Variants in CAST observed in about 807,000 individuals in gnomAD.
CAST encodes the protein calpastatin.
CAST carries 76 observed loss-of-function variants against 119.6 expected under a neutral mutation model. The observed-to-expected ratio is 0.64, with a 90% CI of 0.53 to 0.77. The LOEUF (loss-of-function observed/expected upper bound fraction) is 0.77, where lower values mean the gene tolerates loss of function less well. CAST is among the 30% of genes least tolerant of loss of function. The pLI is 0.00. For missense variants in CAST, 953 were observed against 946.5 expected (o/e 1.01, Z -0.09); for synonymous variants, 319 against 331.6 (o/e 0.96, Z 0.41).
chr5:96,421,746 A>G, the CAST span: 1 of 705,132 alleles, frequency 1.4e-6, no homozygotes, highest in Non-Finnish European at 2.6e-6. Context: ...AAGCAACAAA[A>G]TATTGTGGTA....
chr5:96,736,284 AT>A, intron 10 of CAST, 44 bp downstream of exon 10: 1 of 1,181,524 alleles, frequency 8.5e-7, no homozygotes, highest in Non-Finnish European at 1.2e-6. Context: ...AGTTACTCAT[AT>A]GCTCTGTATT....
At chr5:96,175,449 A>G in the CAST span, among the ~76,000 whole-genome samples, 1 of 152,242 alleles carries the variant, frequency 6.6e-6, no homozygotes, top group Non-Finnish European at 1.5e-5. Context: ...AATAAGACAA[A>G]CAAGATCCCT....
the CAST span, among the ~76,000 whole-genome samples, chr5:96,167,823 T>G: frequency 1.3e-5 from 2 of 152,134 alleles, no homozygotes; most frequent in African/African-American, 2.4e-5. Flanking sequence ...ACTCGAGGCA[T>G]GTGAGTAAAG....
the CAST span, among the ~76,000 whole-genome samples, chr5:96,331,953 A>C: frequency 6.6e-6 from 1 of 152,252 alleles, no homozygotes; most frequent in East Asian, 1.9e-4. Flanking sequence ...TGTCATTGGC[A>C]GAAGGTGGAA....
the CAST span, among the ~76,000 whole-genome samples, chr5:96,171,927 C>A: frequency 1.3e-5 from 2 of 152,210 alleles, no homozygotes; most frequent in African/African-American, 2.4e-5. Flanking sequence ...TCCCCACCCC[C>A]CCACGCCCCT....
At position 96,768,504 on chromosome 5, in the gene CAST, T is replaced by C. The variant is rs1178204403; in HGVS notation, c.2268+505T>C. On this transcript the variant is annotated intron_variant, in intron 29 of 31. Transcript: ENST00000675179. ...AACAGTATTATTTTGTGGATTTCCT[T>C]TTTTTTCTATATGTATATTTTACAT... 7.1e-5 allele frequency: 29 copies of C among 407,002 alleles called. No individual in the cohort carries two copies. In the East Asian group the frequency reaches 2.0e-3, roughly 28 times the overall value. The allele number at this position is 407,002 out of a possible 1,614,324, so 25.2% of individuals were successfully genotyped here. A position where few individuals can be genotyped will look rare whatever the true frequency, so the allele number is the denominator to read the frequency against.
the CAST span, among the ~76,000 whole-genome samples, chr5:96,265,857 A>G: frequency 6.6e-6 from 1 of 152,286 alleles, no homozygotes; most frequent in Non-Finnish European, 1.5e-5. Context: ...TAATGTGGTT[A>G]TTCCAATAAT....
the CAST span, among the ~76,000 whole-genome samples, chr5:96,280,340 G>A: frequency 2.0e-5 from 3 of 152,126 alleles, no homozygotes; most frequent in Non-Finnish European, 4.4e-5. Flanking sequence ...ATTCATATTA[G>A]GATAAAGTTT....
the CAST span, among the ~76,000 whole-genome samples, chr5:96,231,088 T>C: frequency 2.0e-5 from 3 of 152,066 alleles, no homozygotes; most frequent in Admixed American, 1.3e-4. Context: ...CTCAAAATGG[T>C]AAACATAGAT....
At chr5:96,092,982 C>T in the CAST span, among the ~76,000 whole-genome samples, 1 of 152,166 alleles carries the variant, frequency 6.6e-6, no homozygotes, top group Admixed American at 6.5e-5. Flanking sequence ...CACCCAATGC[C>T]TTTTCTCCTA....
At chr5:96,548,527 C>T (rs1381813364) in intron 1 of CAST, among the ~76,000 whole-genome samples, 5 of 152,028 alleles carry the variant, frequency 3.3e-5, no homozygotes, top group Non-Finnish European at 5.9e-5. Context: ...GCACCCCCCG[C>T]CCCCCACCAA....
chr5:96,349,520 T>G, the CAST span, among the ~76,000 whole-genome samples: 92 of 152,244 alleles, frequency 6.0e-4, no homozygotes, highest in Middle Eastern at 3.4e-3. Context: ...TTATCATGAG[T>G]CTATTAAAAA....
At chr5:96,224,726 A>G in the CAST span, among the ~76,000 whole-genome samples, 1 of 152,186 alleles carries the variant, frequency 6.6e-6, no homozygotes, top group African/African-American at 2.4e-5. Context: ...TAAGCCACCA[A>G]TTTATGATGA....
intron 1 of CAST, among the ~76,000 whole-genome samples, chr5:96,571,128 A>T (rs1422318526): frequency 6.6e-6 from 1 of 152,186 alleles, no homozygotes; most frequent in Non-Finnish European, 1.5e-5. Context: ...AAGAATCCAG[A>T]CCTGTCATCT....
chr5:96,251,076 C>T, the CAST span, among the ~76,000 whole-genome samples: 2 of 152,182 alleles, frequency 1.3e-5, no homozygotes, highest in African/African-American at 2.4e-5. Context: ...TCATCCAACT[C>T]ATGTAAGCTC....
the CAST span, among the ~76,000 whole-genome samples, chr5:96,261,020 G>C: frequency 6.6e-6 from 1 of 152,276 alleles, no homozygotes; most frequent in South Asian, 2.1e-4. Context: ...GTAAGGGTGG[G>C]CTTATTTTGA....
the CAST span, among the ~76,000 whole-genome samples, chr5:96,403,245 A>C: frequency 6.6e-6 from 1 of 152,190 alleles, no homozygotes; most frequent in African/African-American, 2.4e-5. Context: ...TTGTCATGCA[A>C]TTAGAAAAAC....
At chr5:96,503,026 C>T in the CAST span, among the ~76,000 whole-genome samples, 1 of 152,142 alleles carries the variant, frequency 6.6e-6, no homozygotes, top group Non-Finnish European at 1.5e-5. Context: ...GCTTAAAAAG[C>T]TAGTTGTTGG....
intron 30 of CAST, among the ~76,000 whole-genome samples, chr5:96,770,850 T>C (rs1471035109): frequency 6.6e-6 from 1 of 152,180 alleles, no homozygotes; most frequent in Non-Finnish European, 1.5e-5. Context: ...GTTTTGCCTG[T>C]CTTTCTTGCC....
Sources: allele counts gnomAD v4.1 joint callset (sites outside exome capture counted in the v4.1 genomes callset), GRCh38; gene constraint gnomAD v4.1.1; transcripts MANE v1.5; gene names NCBI Gene and HGNC (gene_info 2026-07-23, HGNC 2026-07-21).